Variants in RMDN2 observed in about 807,000 individuals in gnomAD.
RMDN2 encodes regulator of microtubule dynamics protein 2.
A neutral mutation model predicts 52.8 loss-of-function variants in RMDN2; 61 were observed. The ratio of observed to expected loss-of-function variants is 1.16; its 90% confidence interval spans 0.94 to 1.43. The LOEUF (loss-of-function observed/expected upper bound fraction) is 1.43, where lower values mean the gene tolerates loss of function less well. RMDN2 is among the 40% of genes most tolerant of loss of function. The pLI, the probability that RMDN2 is intolerant of heterozygous loss-of-function variation, is 0.00. For synonymous variants in RMDN2, 180 were observed against 153.1 expected, an observed-to-expected ratio of 1.18 and a Z score of -1.30; for missense variants, 592 against 475.3, an observed-to-expected ratio of 1.25 and a Z score of -2.28.
intron 2 of RMDN2, chr2:37,951,611 A>G (rs1668802934): frequency 6.2e-7 from 1 of 1,613,470 alleles, no homozygotes; most frequent in Non-Finnish European, 8.5e-7. Flanking sequence ...CCCGTAAACT[A>G]AGTATAGTTT....
intron 5 of RMDN2, 101 bp from the exon 6 acceptor site, chr2:37,989,440 G>C: frequency 2.7e-6 from 2 of 745,916 alleles, no homozygotes; most frequent in Non-Finnish European, 2.4e-6. Flanking sequence ...TGTTAAATAT[G>C]AATGAATGCT....
chr2:37,977,886 A>G lies in RMDN2; in HGVS notation c.730+2572A>G, dbSNP rs549015035. ...CTCACATCCCGGACGATGGGCGGCCAGGCAGAGACGCTCCTCACTTCCTAG... is the reference window on the plus strand; with the variant it reads ...CTCACATCCCGGACGATGGGCGGCCGGGCAGAGACGCTCCTCACTTCCTAG... On this transcript the variant is annotated intron_variant, in intron 4 of 10. Transcript: ENST00000354545. Among the ~76,000 whole-genome samples the G allele has an allele frequency of 1.3e-4, 19 of 146,426 alleles. No individual in the cohort carries two copies. The East Asian group carries it at 3.5e-3, about 27-fold the overall frequency.
At chr2:38,009,588 G>C (rs1156324695) in intron 10 of RMDN2, among the ~76,000 whole-genome samples, 1 of 152,138 alleles carries the variant, frequency 6.6e-6, no homozygotes. Context: ...TCTCTGCGTT[G>C]ATTATTCTAG....
intron 2 of RMDN2, chr2:37,952,872 A>G (rs1358598662): frequency 6.6e-6 from 1 of 152,038 alleles, no homozygotes; most frequent in African/African-American, 2.4e-5. Flanking sequence ...AAAAGTATGT[A>G]TATTAGTCTC....
At chr2:38,011,826 C>T (rs1448057112) in intron 10 of RMDN2, among the ~76,000 whole-genome samples, 1 of 152,140 alleles carries the variant, frequency 6.6e-6, no homozygotes, top group Admixed American at 6.5e-5. Flanking sequence ...GAGAGCAAAG[C>T]TCGGTTTGCC....
At chr2:37,931,495 G>T (rs181534031) in intron 2 of RMDN2, among the ~76,000 whole-genome samples, 58 of 152,318 alleles carry the variant, frequency 3.8e-4, no homozygotes, top group African/African-American at 1.3e-3. Flanking sequence ...ACCAGAGAAG[G>T]TCTGCTAGAC....
Position 38,039,596 on chromosome 2 carries a change from A to G in RMDN2, c.1714-27386A>G, listed in dbSNP as rs184769994. On this transcript the variant is annotated intron_variant, in intron 10 of 10. Coordinates refer to the RMDN2 transcript ENST00000234195. ...TCCTATCATTAAGTAGAAAGCCCTGACTCCACCTGGAGATAAATTAGGTTT... is the reference window on the plus strand; with the variant it reads ...TCCTATCATTAAGTAGAAAGCCCTGGCTCCACCTGGAGATAAATTAGGTTT... Among the ~76,000 whole-genome samples, 545 of 152,126 alleles carry G rather than the reference A, an allele frequency of 3.6e-3. 3 individuals are homozygous for G. The highest frequency in any genetic ancestry group is 0.012 in the African/African-American group (508 of 41,492).
intron 2 of RMDN2, chr2:37,950,477 G>A: frequency 6.2e-7 from 1 of 1,611,894 alleles, no homozygotes; most frequent in Admixed American, 1.7e-5. Flanking sequence ...TGCAGCTTGA[G>A]CATTCAGTCT....
chr2:37,948,291 TC>T (rs1036575162), intron 2 of RMDN2, among the ~76,000 whole-genome samples: 62 of 152,344 alleles, frequency 4.1e-4, no homozygotes, highest in African/African-American at 1.5e-3. Flanking sequence ...TAGAAGATTT[TC>T]TAACATCCAC....
intron 5 of RMDN2, among the ~76,000 whole-genome samples, chr2:37,981,864 T>C (rs1008167270): frequency 1.3e-5 from 2 of 152,098 alleles, no homozygotes; most frequent in African/African-American, 4.8e-5. Context: ...TTGGACCCTT[T>C]GTATGTTTAT....
chr2:38,021,085 G>A (rs1390509247), downstream of RMDN2, among the ~76,000 whole-genome samples: 3 of 152,154 alleles, frequency 2.0e-5, no homozygotes, highest in Non-Finnish European at 4.4e-5. Context: ...AGCACCCTGT[G>A]TCTAGCTCAG....
chr2:37,987,297 A>G (rs1201198883), intron 5 of RMDN2, among the ~76,000 whole-genome samples: 1 of 152,228 alleles, frequency 6.6e-6, no homozygotes, highest in African/African-American at 2.4e-5. Context: ...CTTAACAAAT[A>G]TTCAACAGGC....
intron 7 of RMDN2, among the ~76,000 whole-genome samples, chr2:37,996,066 T>C (rs940143301): frequency 1.3e-5 from 2 of 152,192 alleles, no homozygotes; most frequent in African/African-American, 4.8e-5. Context: ...GACTCACAAA[T>C]GTGCTCCACT....
intron 2 of RMDN2, among the ~76,000 whole-genome samples, chr2:37,940,856 A>C (rs1453805201): frequency 6.6e-6 from 1 of 152,050 alleles, no homozygotes; most frequent in Non-Finnish European, 1.5e-5. Flanking sequence ...AGCTCGAAGG[A>C]GTTTGTTATT....
intron 7 of RMDN2, among the ~76,000 whole-genome samples, chr2:37,993,317 AG>A (rs1675069445): frequency 6.6e-6 from 1 of 152,210 alleles, no homozygotes; most frequent in Admixed American, 6.5e-5. Context: ...ATTGTGGAAG[AG>A]GAAGTTGGAA....
At chr2:37,921,391 C>T (rs1293883682), upstream of RMDN2, among the ~76,000 whole-genome samples, 1 of 152,146 alleles carries the variant, frequency 6.6e-6, no homozygotes, top group Admixed American at 6.5e-5. Flanking sequence ...AAAACTACAT[C>T]AGACATAGTA....
intron 10 of RMDN2, among the ~76,000 whole-genome samples, chr2:38,059,034 A>G (rs1681944598): frequency 1.3e-5 from 2 of 152,226 alleles, no homozygotes; most frequent in Admixed American, 1.3e-4. Flanking sequence ...ATTGAATAAA[A>G]GTAAAACGTC....
At chr2:38,009,048 C>T (rs1050698144) in intron 10 of RMDN2, among the ~76,000 whole-genome samples, 3 of 152,220 alleles carry the variant, frequency 2.0e-5, no homozygotes, top group African/African-American at 7.2e-5. Context: ...TCTCTTCTGG[C>T]TTGTAGAGTT....
At chr2:37,977,482 G>A (rs1029399968) in intron 4 of RMDN2, among the ~76,000 whole-genome samples, 72 of 151,044 alleles carry the variant, frequency 4.8e-4, no homozygotes, top group African/African-American at 1.8e-3. Flanking sequence ...CCCACCTCCC[G>A]GACGGGGCGG....
Sources: gnomAD v4.1 joint callset for allele counts (sites outside exome capture counted in the v4.1 genomes callset) on GRCh38, gnomAD v4.1.1 for gene constraint, MANE v1.5 for transcripts, NCBI Gene and HGNC (gene_info 2026-07-23, HGNC 2026-07-21) for gene names.